Variants in ACVR2A observed in about 807,000 individuals in gnomAD.
ACVR2A encodes activin receptor type-2A.
Under a neutral mutation model 61.4 loss-of-function variants are expected in ACVR2A, and 7 were observed. The ratio of observed to expected loss-of-function variants is 0.11; its 90% CI spans 0.06 to 0.21. The LOEUF is 0.21. Ranked by LOEUF, ACVR2A falls within the 10% of genes least tolerant of loss-of-function variation. The pLI is 1.00. For synonymous variants in ACVR2A, 193 were observed against 208.3 expected (o/e 0.93, Z 0.63); for missense variants, 322 against 621.7 (o/e 0.52, Z 5.13).
intron 1 of ACVR2A, among the ~76,000 whole-genome samples, chr2:147,847,542 A>T (rs1685343620): frequency 6.6e-6 from 1 of 152,148 alleles, no homozygotes; most frequent in Non-Finnish European, 1.5e-5. Context: ...ATAGTAAGGA[A>T]CAGTTTTGTT....
At chr2:147,915,165 A>G (rs770465904) in intron 4 of ACVR2A, 26 bp from the exon 5 acceptor site, 2 of 1,605,000 alleles carry the variant, frequency 1.2e-6, no homozygotes, top group African/African-American at 2.7e-5. Context: ...CTGCTTATTT[A>G]TAGTATTATT....
intron 1 of ACVR2A, among the ~76,000 whole-genome samples, chr2:147,876,737 T>C (rs988292893): frequency 1.3e-5 from 2 of 152,106 alleles, no homozygotes; most frequent in African/African-American, 4.8e-5. Flanking sequence ...TGGATGAAAG[T>C]GATAAACAAG....
At chr2:147,847,847 C>T (rs534548361) in intron 1 of ACVR2A, among the ~76,000 whole-genome samples, 1 of 152,144 alleles carries the variant, frequency 6.6e-6, no homozygotes, top group Admixed American at 6.5e-5. Context: ...TTATTTGTGT[C>T]TTTCCCCACA....
chr2:147,854,103 T>A (rs975440330), intron 1 of ACVR2A, among the ~76,000 whole-genome samples: 5 of 152,162 alleles, frequency 3.3e-5, no homozygotes, highest in African/African-American at 1.2e-4. Flanking sequence ...TTGGGGGATA[T>A]TTACATTTGC....
intron 1 of ACVR2A, among the ~76,000 whole-genome samples, chr2:147,876,590 ATTCAC>A: frequency 6.6e-6 from 1 of 152,278 alleles, no homozygotes; most frequent in African/African-American, 2.4e-5. Context: ...TATCACTGTC[ATTCAC>A]TTCATCAGAA....
At position 147,889,504 on chromosome 2, in the gene ACVR2A, G is replaced by C. The variant is rs1156434962; in HGVS notation, c.56-6797G>C. Among the ~76,000 whole-genome samples, 3 of 152,082 alleles carry C rather than the reference G, an allele frequency of 2.0e-5. No homozygotes were observed. The East Asian group carries it at 5.8e-4, about 29-fold the overall frequency. On this transcript the variant is annotated intron_variant, in intron 1 of 10. Transcript: ENST00000241416. ...TCACGCCTGTAATCCCAGCACTTTG[G>C]GAGGCTGAGGCGGGCAGATCACAAG... is the stretch of plus-strand genomic sequence containing the variant.
At chr2:147,884,747 A>T (rs566575700) in intron 1 of ACVR2A, among the ~76,000 whole-genome samples, 151 of 152,284 alleles carry the variant, frequency 9.9e-4, no homozygotes, top group African/African-American at 3.5e-3. Context: ...AATGCATTTG[A>T]TACCTGTGGC....
At chr2:147,902,245 G>A (rs1291973251) in intron 4 of ACVR2A, among the ~76,000 whole-genome samples, 1 of 151,868 alleles carries the variant, frequency 6.6e-6, no homozygotes, top group African/African-American at 2.4e-5. Flanking sequence ...GCCAGGTATG[G>A]AAAATACTAA....
chr2:147,889,371 G>T (rs1172746191), intron 1 of ACVR2A, among the ~76,000 whole-genome samples: 1 of 152,070 alleles, frequency 6.6e-6, no homozygotes, highest in Non-Finnish European at 1.5e-5. Context: ...AATTGGTGTT[G>T]ATATATTAAT....
chr2:147,895,130 C>T (rs73020036), intron 1 of ACVR2A, among the ~76,000 whole-genome samples: 1 of 152,050 alleles, frequency 6.6e-6, no homozygotes, highest in Admixed American at 6.5e-5. Flanking sequence ...ATACGCACAT[C>T]TATTATAAAA....
rs1258852872 is a variant in ACVR2A, at chr2:147,899,898, A to G, written c.528A>G (p.Gln176=). The change falls in exon 4 of 11, where the codon CAA becomes CAG. Residue 176 remains glutamine, a splice_region_variant and synonymous_variant. Transcript: ENST00000241416. ...ACCCTCCTGTACTTGTTCCAACTCA[A>G]GTAAGTTATTGTCCTGTACTTTGTA... ...MAYPPVLVPT[Q]DPGPPPPSPL... is the part of the protein sequence containing the mutation. 2 of 1,613,242 alleles carry G rather than the reference A, an allele frequency of 1.2e-6. No homozygotes were observed. Among genetic ancestry groups the G allele is most frequent in the Non-Finnish European group, 1.7e-6 (2 of 1,179,432 alleles).
intron 1 of ACVR2A, among the ~76,000 whole-genome samples, chr2:147,889,819 AT>A (rs899365184): frequency 0.013 from 1,914 of 147,530 alleles, 45 homozygotes; most frequent in African/African-American, 0.044. Flanking sequence ...GTGTATTGCT[AT>A]TTTTTTTTTA....
chr2:147,904,948 G>C (rs1033912044), intron 4 of ACVR2A, among the ~76,000 whole-genome samples: 1 of 151,906 alleles, frequency 6.6e-6, no homozygotes, highest in Non-Finnish European at 1.5e-5. Flanking sequence ...TCTTGAAATA[G>C]GTTGACTACT....
At chr2:147,914,451 C>T (rs3768687) in intron 4 of ACVR2A, among the ~76,000 whole-genome samples, 49,384 of 151,750 alleles carry the variant, frequency 0.33, 8,284 homozygotes, top group East Asian at 0.51. Flanking sequence ...TAGCAGTGCA[C>T]GTTTCTTTCA....
At chr2:147,855,181 A>G (rs1426863290) in intron 1 of ACVR2A, among the ~76,000 whole-genome samples, 1 of 152,020 alleles carries the variant, frequency 6.6e-6, no homozygotes, top group Non-Finnish European at 1.5e-5. Context: ...CGCCTGGCCT[A>G]TTTCTTATTT....
At chr2:147,906,021 TGATTG>T (rs1686981876) in intron 4 of ACVR2A, among the ~76,000 whole-genome samples, 2 of 152,266 alleles carry the variant, frequency 1.3e-5, no homozygotes, top group Non-Finnish European at 2.9e-5. Context: ...GTCTGTCAGT[TGATTG>T]GTGCATATGG....
At chr2:147,855,724 G>T (rs987384231) in intron 1 of ACVR2A, among the ~76,000 whole-genome samples, 9 of 151,274 alleles carry the variant, frequency 5.9e-5, no homozygotes, top group Non-Finnish European at 2.9e-5. Flanking sequence ...GGCTTCTTGT[G>T]CATATGTGAA....
intron 1 of ACVR2A, among the ~76,000 whole-genome samples, chr2:147,895,819 G>A (rs2105189504): frequency 1.3e-5 from 2 of 152,228 alleles, no homozygotes; most frequent in South Asian, 4.1e-4. Context: ...TATTGGTAAA[G>A]CTTCTGGTTA....
intron 4 of ACVR2A, among the ~76,000 whole-genome samples, chr2:147,914,818 C>T (rs543585386): frequency 1.3e-5 from 2 of 152,012 alleles, no homozygotes; most frequent in South Asian, 4.1e-4. Context: ...TGGCACTTTT[C>T]AAATCATCCT....
Sources: gnomAD v4.1 joint callset for allele counts (sites outside exome capture counted in the v4.1 genomes callset) on GRCh38, gnomAD v4.1.1 for gene constraint, MANE v1.5 for transcripts, NCBI Gene and HGNC (gene_info 2026-07-23, HGNC 2026-07-21) for gene names.